The following PRKN variants were observed in gnomAD, a reference collection of about 807,000 sequenced individuals.
PRKN encodes parkin RBR E3 ubiquitin protein ligase, also known as E3 ubiquitin-protein ligase parkin.
In PRKN, 56 loss-of-function variants were observed where a neutral mutation model predicts 59.5. That is an observed-to-expected ratio of 0.94 (90% CI 0.76 to 1.18). The LOEUF (loss-of-function observed/expected upper bound fraction) is 1.18. Ranked by LOEUF, PRKN falls within the 50% of genes most tolerant of loss-of-function variation. The probability of loss-of-function intolerance (pLI) is 0.00; values close to 1 mark genes in which losing one functional copy is unlikely to be tolerated. For missense variants in PRKN, 657 were observed against 596.4 expected (o/e 1.10, Z -1.06); for synonymous variants, 250 against 222.1 (o/e 1.13, Z -1.12).
intron 1 of PRKN, among the ~76,000 whole-genome samples, chr6:162,487,368 G>T (rs978288505): frequency 3.9e-5 from 6 of 152,142 alleles, no homozygotes; most frequent in Admixed American, 1.3e-4. Flanking sequence ...GAGAAGGAAG[G>T]CCAAGTGACT....
intron 7 of PRKN, among the ~76,000 whole-genome samples, chr6:161,664,877 C>G (rs1008748714): frequency 1.3e-5 from 2 of 151,548 alleles, no homozygotes; most frequent in African/African-American, 4.8e-5. Flanking sequence ...CAAACTCCAG[C>G]TCCCAGGTTC....
intron 9 of PRKN, among the ~76,000 whole-genome samples, chr6:161,469,032 A>G (rs1478579881): frequency 1.3e-5 from 2 of 152,188 alleles, no homozygotes; most frequent in Admixed American, 6.5e-5. Context: ...AAATGCTGCC[A>G]AAGAGTCAAT....
chr6:162,691,020 A>C (rs941438726), intron 1 of PRKN, among the ~76,000 whole-genome samples: 4 of 152,104 alleles, frequency 2.6e-5, no homozygotes, highest in African/African-American at 9.6e-5. Context: ...TTTACTAGTA[A>C]TGTTGCAATT....
intron 3 of PRKN, among the ~76,000 whole-genome samples, chr6:162,215,064 C>T (rs964694321): frequency 2.6e-5 from 4 of 152,102 alleles, no homozygotes; most frequent in African/African-American, 9.7e-5. Flanking sequence ...ACCACTTCCT[C>T]TAGGAAGTCT....
intron 4 of PRKN, among the ~76,000 whole-genome samples, chr6:162,182,825 T>G (rs1406770274): frequency 6.6e-6 from 1 of 152,166 alleles, no homozygotes; most frequent in African/African-American, 2.4e-5. Context: ...TCATTTTGTA[T>G]CTCTTTGTCA....
At chr6:161,711,090 T>C (rs1368234557) in intron 7 of PRKN, among the ~76,000 whole-genome samples, 1 of 152,074 alleles carries the variant, frequency 6.6e-6, no homozygotes, top group Admixed American at 6.6e-5. Context: ...AACCTATCTT[T>C]TCAGACACTT....
Position 161,407,948 on chromosome 6 carries a change from A to G in PRKN, c.1084-21071T>C, listed in dbSNP as rs933380325. Reference sequence around the variant, plus strand: ...ACTTTCCACTGCCTACCCAAGTCCTATAAAGCTGCCCCTCTCCTATCTCCC... The same window carrying G: ...ACTTTCCACTGCCTACCCAAGTCCTGTAAAGCTGCCCCTCTCCTATCTCCC... On this transcript the variant is annotated intron_variant, in intron 9 of 11. Transcript: ENST00000366898. This position sits in a 1 kb window ranked among gnomAD's most constrained non-coding sequence, Gnocchi z 4.9. Among the ~76,000 whole-genome samples the G allele has an allele frequency of 1.8e-4, 27 of 152,138 alleles. No homozygotes were observed. Among genetic ancestry groups the G allele is most frequent in the African/African-American group, 6.3e-4 (26 of 41,412 alleles).
intron 7 of PRKN, among the ~76,000 whole-genome samples, chr6:161,570,468 T>G (rs1780846451): frequency 6.6e-6 from 1 of 151,460 alleles, no homozygotes; most frequent in African/African-American, 2.4e-5. Context: ...CTTCTGCCTC[T>G]GCTACCCCTG....
intron 5 of PRKN, among the ~76,000 whole-genome samples, chr6:162,031,858 T>C (rs1184747020): frequency 6.6e-6 from 1 of 152,186 alleles, no homozygotes; most frequent in Non-Finnish European, 1.5e-5. Context: ...GATCGTTGCA[T>C]GTCCTGAGGA....
At chr6:161,439,682 T>C (rs1789102984) in intron 9 of PRKN, among the ~76,000 whole-genome samples, 1 of 144,230 alleles carries the variant, frequency 6.9e-6, no homozygotes, top group Non-Finnish European at 1.5e-5. Context: ...AAGTGTACCT[T>C]TGGTGAAACA....
At chr6:161,614,835 T>C (rs1032763065) in intron 7 of PRKN, among the ~76,000 whole-genome samples, 2 of 152,220 alleles carry the variant, frequency 1.3e-5, no homozygotes, top group Admixed American at 6.5e-5. Context: ...TCTTGAAATG[T>C]CAGGCTGCAG....
At chr6:162,398,665 C>T (rs906964132) in intron 2 of PRKN, among the ~76,000 whole-genome samples, 1 of 152,318 alleles carries the variant, frequency 6.6e-6, no homozygotes, top group Admixed American at 6.5e-5. Flanking sequence ...GCTGGGATTA[C>T]AGGCGTGAGG....
intron 4 of PRKN, among the ~76,000 whole-genome samples, chr6:162,133,204 G>T (rs1044986475): frequency 1.3e-5 from 2 of 152,198 alleles, no homozygotes; most frequent in Non-Finnish European, 1.5e-5. Flanking sequence ...CTGGGCAGGA[G>T]GCTGCTGCCT....
At chr6:161,638,068 A>G (rs191974639) in intron 7 of PRKN, among the ~76,000 whole-genome samples, 1 of 152,058 alleles carries the variant, frequency 6.6e-6, no homozygotes, top group Admixed American at 6.5e-5. Flanking sequence ...GCCTCCCACC[A>G]TCACAGATAA....
chr6:161,423,007 T>G lies in PRKN; in HGVS notation c.1084-36130A>C, dbSNP rs1788175056. On this transcript the variant is annotated intron_variant, in intron 9 of 11. Transcript: ENST00000366898. The surrounding 1 kb of genome is among the most constrained non-coding windows in gnomAD (Gnocchi z 5.9). ...TGCATTCAGACATTTTATTTGTGTC[T>G]TTTAGAAAGCATTTATATTTCCTAT... Among the ~76,000 whole-genome samples the G allele has an allele frequency of 1.3e-5, 2 of 152,204 alleles. No homozygotes were observed. The highest frequency in any genetic ancestry group is 3.8e-4 in the East Asian group (2 of 5,206).
At chr6:162,351,341 T>C (rs1401547828) in intron 2 of PRKN, among the ~76,000 whole-genome samples, 1 of 152,210 alleles carries the variant, frequency 6.6e-6, no homozygotes, top group Non-Finnish European at 1.5e-5. Context: ...TGCCCAGCAT[T>C]ACTTTCTATT....
At chr6:162,048,333 TCCTAAAC>T (rs1378235589) in intron 5 of PRKN, among the ~76,000 whole-genome samples, 1 of 152,058 alleles carries the variant, frequency 6.6e-6, no homozygotes, top group Non-Finnish European at 1.5e-5. Context: ...AATACCCCCA[TCCTAAAC>T]CCTACTGTGT....
chr6:161,894,008 A>G (rs965520645), intron 6 of PRKN, among the ~76,000 whole-genome samples: 4 of 152,170 alleles, frequency 2.6e-5, no homozygotes, highest in African/African-American at 9.7e-5. Flanking sequence ...TTCATTATCG[A>G]TCCTATTCCT....
In PRKN at chr6:161,552,366, C is replaced by T. The variant is rs1461300699; in HGVS notation, c.934-3363G>A. Among the ~76,000 whole-genome samples, 1 of 142,304 alleles carries T rather than the reference C, an allele frequency of 7.0e-6. No homozygotes were observed. The highest frequency in any genetic ancestry group is 2.1e-4 in the East Asian group (1 of 4,662). 93.4% of individuals were successfully genotyped at this position (142,304 alleles called of 152,430 possible). A position where few individuals can be genotyped will look rare whatever the true frequency, so the allele number is the denominator to read the frequency against. On this transcript the variant is annotated intron_variant, in intron 8 of 11. Coordinates refer to ENST00000366898, the MANE Select transcript of PRKN (RefSeq NM_004562.3). The surrounding 1 kb of genome is among the most constrained non-coding windows in gnomAD (Gnocchi z 4.9). ...AATGATCTCACGGTGATCCTCCAAGCCCCTCTCCCTCAGCTCTGTTCACCT... is the reference window on the plus strand; with the variant it reads ...AATGATCTCACGGTGATCCTCCAAGTCCCTCTCCCTCAGCTCTGTTCACCT...
Sources: allele counts gnomAD v4.1 joint callset (sites outside exome capture counted in the v4.1 genomes callset), GRCh38; gene constraint gnomAD v4.1.1; non-coding constraint Gnocchi (gnomAD v3.1); transcripts MANE v1.5; gene names NCBI Gene and HGNC (gene_info 2026-07-23, HGNC 2026-07-21).